The following NPAS2 variants were observed in gnomAD, a reference collection of about 807,000 sequenced individuals.
NPAS2 encodes neuronal PAS domain-containing protein 2.
A neutral mutation model predicts 107.5 loss-of-function variants in NPAS2; 23 were observed. That is an observed-to-expected ratio of 0.21 (90% CI 0.15 to 0.30). NPAS2 has a LOEUF of 0.30. Among genes scored for constraint, NPAS2 ranks in the 10% least tolerant of loss-of-function variants. The probability of loss-of-function intolerance (pLI) is 1.00; values close to 1 mark genes in which losing one functional copy is unlikely to be tolerated. For missense variants in NPAS2, 756 were observed against 1,043.3 expected (o/e 0.72, Z 3.79); for synonymous variants, 403 against 417.5 (o/e 0.97, Z 0.42).
intron 1 of NPAS2, chr2:100,877,982 C>T (rs1048845709): frequency 3.0e-6 from 3 of 985,248 alleles, no homozygotes; most frequent in Admixed American, 1.2e-4. Context: ...TAGTCTGGGG[C>T]CTGCAGAATT....
intron 1 of NPAS2, among the ~76,000 whole-genome samples, chr2:100,862,877 G>A (rs555052760): frequency 5.9e-5 from 9 of 152,302 alleles, no homozygotes; most frequent in Admixed American, 3.3e-4. Context: ...TGAGGGGGAC[G>A]TATGTGAGTG....
At chr2:100,990,980 A>G in intron 19 of NPAS2, 108 bp downstream of exon 19, 1 of 890,222 alleles carries the variant, frequency 1.1e-6, no homozygotes, top group Non-Finnish European at 1.8e-6. Context: ...CTTGCGCTAA[A>G]GGCAAGGTCT....
At chr2:100,904,152 ATAAACACTCTCCT>A (rs141523357) in intron 1 of NPAS2, among the ~76,000 whole-genome samples, 2,007 of 152,230 alleles carry the variant, frequency 0.013, 43 homozygotes, top group African/African-American at 0.046. Flanking sequence ...GAATGGACAG[ATAAACACTCTCCT>A]TTAGGATGTC....
At chr2:100,932,110 T>C (rs1683996907) in intron 3 of NPAS2, among the ~76,000 whole-genome samples, 1 of 152,362 alleles carries the variant, frequency 6.6e-6, no homozygotes, top group Admixed American at 6.5e-5. Flanking sequence ...AAATGTTGGC[T>C]TAAGATGGAG....
chr2:100,992,224 G>A (rs12712087), intron 19 of NPAS2, among the ~76,000 whole-genome samples: 11,027 of 152,332 alleles, frequency 0.072, 450 homozygotes, highest in African/African-American at 0.091. Flanking sequence ...GACCAGTCTG[G>A]CCAACATGGT....
intron 1 of NPAS2, among the ~76,000 whole-genome samples, chr2:100,851,996 A>C (rs771349275): frequency 4.6e-5 from 7 of 152,208 alleles, no homozygotes; most frequent in Non-Finnish European, 8.8e-5. Flanking sequence ...CACGTTAGCT[A>C]CATGGTTCTT....
upstream of NPAS2, among the ~76,000 whole-genome samples, chr2:100,819,906 T>C (rs1181160846): frequency 6.6e-6 from 1 of 151,820 alleles, no homozygotes; most frequent in Non-Finnish European, 1.5e-5. The surrounding 1 kb of genome is among the most constrained non-coding windows in gnomAD (Gnocchi z 5.8). Context: ...CTCGCGGGTG[T>C]CTGCGCCGCC....
chr2:100,940,433 C>G (rs1424962523), intron 5 of NPAS2, among the ~76,000 whole-genome samples: 1 of 152,204 alleles, frequency 6.6e-6, no homozygotes, highest in African/African-American at 2.4e-5. Flanking sequence ...GATGATGCAA[C>G]ATTTCAAAAC....
chr2:100,829,353 A>G (rs1283647526), intron 1 of NPAS2, among the ~76,000 whole-genome samples: 3 of 152,060 alleles, frequency 2.0e-5, no homozygotes, highest in Admixed American at 1.3e-4. Context: ...AGGTTTTGCC[A>G]TGTTGGCCAG....
chr2:100,936,095 C>A (rs1419277568), intron 4 of NPAS2, among the ~76,000 whole-genome samples: 1 of 152,208 alleles, frequency 6.6e-6, no homozygotes, highest in Non-Finnish European at 1.5e-5. Flanking sequence ...GTACTTGAAT[C>A]TGTTTTTCAG....
rs369272593 is a variant in NPAS2, at chr2:100,836,660, CCTT to C, written c.-23+16253_-23+16255del. On this transcript the variant is annotated intron_variant, in intron 1 of 20. Transcript: ENST00000335681. ...AGGGGTGGCTCTACCGAGTGAATGC[CCTT>C]CTTCTTTCTTCCGTACGCACGGAAC... Among the ~76,000 whole-genome samples the C allele has an allele frequency of 2.4e-3, 371 of 152,250 alleles. 1 individual carries two copies. The highest frequency in any genetic ancestry group is 8.5e-3 in the African/African-American group (351 of 41,534).
At chr2:100,884,254 A>T (rs1192698319) in intron 1 of NPAS2, among the ~76,000 whole-genome samples, 1 of 152,128 alleles carries the variant, frequency 6.6e-6, no homozygotes, top group Non-Finnish European at 1.5e-5. Context: ...CTTTGCCTAA[A>T]TGCAAGCCAC....
chr2:100,848,602 A>G (rs80150125), intron 1 of NPAS2, among the ~76,000 whole-genome samples: 1,875 of 152,292 alleles, frequency 0.012, 47 homozygotes, highest in African/African-American at 0.042. Context: ...AGAGGAATAC[A>G]TACGTGCCAT....
chr2:100,852,502 G>A (rs879110615), intron 1 of NPAS2, among the ~76,000 whole-genome samples: 1 of 152,192 alleles, frequency 6.6e-6, no homozygotes, highest in Non-Finnish European at 1.5e-5. Flanking sequence ...GCCCATCCAC[G>A]TAAGAACAGG....
At chr2:100,955,943 C>T (rs1461933058) in intron 7 of NPAS2, among the ~76,000 whole-genome samples, 2 of 152,238 alleles carry the variant, frequency 1.3e-5, no homozygotes, top group East Asian at 1.9e-4. Flanking sequence ...CTCACTCTGT[C>T]ACACAGACTG....
intron 1 of NPAS2, chr2:100,821,304 T>C (rs1676054711): frequency 1.0e-6 from 1 of 968,722 alleles, no homozygotes; most frequent in African/African-American, 1.7e-5. Flanking sequence ...TTCCACAAAG[T>C]CTAAACACTC....
intron 1 of NPAS2, among the ~76,000 whole-genome samples, chr2:100,874,673 C>T (rs1025851615): frequency 2.0e-5 from 3 of 151,866 alleles, no homozygotes; most frequent in Non-Finnish European, 4.4e-5. Flanking sequence ...ACCCGGGAGG[C>T]GGAGGTTGCA....
chr2:100,873,303 TATATACACACACACACACACACAC>T (rs1335684929), intron 1 of NPAS2, among the ~76,000 whole-genome samples: 12 of 45,974 alleles, frequency 2.6e-4, no homozygotes, highest in African/African-American at 8.3e-4. Context: ...TATATATATA[TATATACACACACACACACACACAC>T]ACACACACAC....
chr2:100,925,219 C>T lies in NPAS2; in HGVS notation c.106C>T (p.Leu36Phe), dbSNP rs746714721. The change falls in exon 3 of 21, where the codon CTC becomes TTC. Residue 36 changes from leucine (L) to phenylalanine (F), a missense_variant. This residue lies in a region of NPAS2 where 146 missense variants were observed against 249.6 expected (regional missense o/e 0.58). Transcript: ENST00000335681. ...NVLIKELSSMLPGNTRKMDKT... is the reference protein window; with the variant it reads ...NVLIKELSSMFPGNTRKMDKT... ...TCTCATCAAAGAGCTCAGTTCCATG[C>T]TCCCTGGCAACACGCGGAAAATGGA... 6.2e-7 allele frequency: 1 copy of T among 1,614,010 alleles called. No homozygotes were observed. The highest frequency in any genetic ancestry group is 8.5e-7 in the Non-Finnish European group (1 of 1,180,018).
Sources: gnomAD v4.1 joint callset for allele counts (sites outside exome capture counted in the v4.1 genomes callset) on GRCh38, gnomAD v4.1.1 for gene constraint, gnomAD v4.1.1 regional missense constraint, Gnocchi (gnomAD v3.1) non-coding constraint, MANE v1.5 for transcripts, NCBI Gene and HGNC (gene_info 2026-07-23, HGNC 2026-07-21) for gene names.